The following CCL26 variants were observed in gnomAD, a reference collection of about 807,000 sequenced individuals.
CCL26 encodes C-C motif chemokine 26.
In CCL26, 10 loss-of-function variants were observed where a neutral mutation model predicts 10.7. The observed-to-expected ratio is 0.93, with a 90% CI of 0.57 to 1.58. The LOEUF (loss-of-function observed/expected upper bound fraction) is 1.58, where lower values mean the gene tolerates loss of function less well. CCL26 is among the 40% of genes most tolerant of loss of function. CCL26 has a pLI of 0.00. For missense variants in CCL26, 116 were observed against 111.0 expected (o/e 1.05, Z -0.20); for synonymous variants, 43 against 41.4 (o/e 1.04, Z -0.15).
upstream of CCL26, among the ~76,000 whole-genome samples, chr7:75,791,494 A>C (rs1488464158): frequency 6.6e-6 from 1 of 151,862 alleles, no homozygotes; most frequent in Non-Finnish European, 1.5e-5. Flanking sequence ...TGGGCTCCAG[A>C]TTCCTCTGTG....
At chr7:75,786,151 A>G (rs11771913) in intron 1 of CCL26, among the ~76,000 whole-genome samples, 27,259 of 152,082 alleles carry the variant, frequency 0.18, 3,019 homozygotes, top group East Asian at 0.28. Flanking sequence ...CCAGACTTCA[A>G]TCCGGCCTCC....
chr7:75,770,762 G>A (rs573670784), intron 2 of CCL26, among the ~76,000 whole-genome samples: 25 of 152,040 alleles, frequency 1.6e-4, no homozygotes, highest in African/African-American at 5.8e-4. Flanking sequence ...TGCAAACTCC[G>A]CCTCCCGGGT....
At chr7:75,787,061 C>T (rs562676079) in intron 1 of CCL26, among the ~76,000 whole-genome samples, 1 of 152,256 alleles carries the variant, frequency 6.6e-6, no homozygotes, top group East Asian at 1.9e-4. Context: ...CTTTACTCAC[C>T]CTGAGTCAGG....
At chr7:75,777,718 T>C (rs1254043156) in intron 1 of CCL26, among the ~76,000 whole-genome samples, 1 of 8,094 alleles carries the variant, frequency 1.2e-4, no homozygotes, top group Non-Finnish European at 2.1e-4. Context: ...AGATCCTGTC[T>C]CAGAAAAAAA....
chr7:75,787,350 G>C (rs1803217404), intron 1 of CCL26, among the ~76,000 whole-genome samples: 1 of 152,014 alleles, frequency 6.6e-6, no homozygotes, highest in Admixed American at 6.6e-5. Flanking sequence ...GTTTTTTAAA[G>C]ACACACCTCA....
intron 1 of CCL26, among the ~76,000 whole-genome samples, chr7:75,788,919 T>C (rs1418308703): frequency 2.0e-5 from 3 of 151,760 alleles, no homozygotes; most frequent in African/African-American, 7.3e-5. Flanking sequence ...TACCTTTCTT[T>C]TCTCTTTTTC....
upstream of CCL26, among the ~76,000 whole-genome samples, chr7:75,773,753 C>G (rs1457080546): frequency 6.6e-6 from 1 of 151,352 alleles, no homozygotes; most frequent in Admixed American, 6.6e-5. Flanking sequence ...TGTGGTGGCT[C>G]ATGCTTGTAA....
At chr7:75,789,510 T>C (rs1803276720) in intron 1 of CCL26, among the ~76,000 whole-genome samples, 2 of 150,264 alleles carry the variant, frequency 1.3e-5, no homozygotes, top group Admixed American at 6.7e-5. Flanking sequence ...GAGAAAGTGC[T>C]GGCTGCCTAC....
At chr7:75,774,485 C>T (rs1247565071), upstream of CCL26, among the ~76,000 whole-genome samples, 1 of 151,858 alleles carries the variant, frequency 6.6e-6, no homozygotes, top group Non-Finnish European at 1.5e-5. Flanking sequence ...CTTGCTCTGT[C>T]ATCCAGGCTG....
chr7:75,788,314 TCTC>T (rs1405676764), intron 1 of CCL26, among the ~76,000 whole-genome samples: 51 of 152,140 alleles, frequency 3.4e-4, no homozygotes, highest in Admixed American at 3.3e-3. Flanking sequence ...TGAAATTCCT[TCTC>T]CTGGCTCATC....
chr7:75,784,491 A>G (rs1354595366), intron 1 of CCL26, among the ~76,000 whole-genome samples: 2 of 152,170 alleles, frequency 1.3e-5, no homozygotes, highest in Non-Finnish European at 2.9e-5. Context: ...TCCCCTTCTT[A>G]ATCAATACAG....
chr7:75,781,870 G>C, intron 1 of CCL26, among the ~76,000 whole-genome samples: 1 of 152,120 alleles, frequency 6.6e-6, no homozygotes, highest in African/African-American at 2.4e-5. Context: ...GCACCCAGGT[G>C]AAATAAACAG....
chr7:75,791,273 C>T (rs113545163), upstream of CCL26, among the ~76,000 whole-genome samples: 730 of 152,246 alleles, frequency 4.8e-3, 8 homozygotes, highest in African/African-American at 0.017. Flanking sequence ...GATCCACCCG[C>T]CTCAGCTCCC....
chr7:75,778,423 T>G (rs1802987565), intron 1 of CCL26, among the ~76,000 whole-genome samples: 1 of 150,736 alleles, frequency 6.6e-6, no homozygotes, highest in African/African-American at 2.4e-5. Context: ...TTTTTTTTTT[T>G]TGGTAGAGAT....
chr7:75,774,143 T>C (rs1802886288), upstream of CCL26, among the ~76,000 whole-genome samples: 1 of 151,836 alleles, frequency 6.6e-6, no homozygotes, highest in African/African-American at 2.4e-5. Flanking sequence ...GAGAGGGTGG[T>C]TTGTTTTTGT....
At chr7:75,788,420 C>G (rs1193298108) in intron 1 of CCL26, among the ~76,000 whole-genome samples, 1 of 152,086 alleles carries the variant, frequency 6.6e-6, no homozygotes, top group African/African-American at 2.4e-5. Context: ...CCATTACCTA[C>G]CCAAATCCTA....
At chr7:75,775,264 C>T (rs934365930), upstream of CCL26, among the ~76,000 whole-genome samples, 1 of 151,976 alleles carries the variant, frequency 6.6e-6, no homozygotes, top group African/African-American at 2.4e-5. Context: ...TCTATATTCC[C>T]ATTTCTTCTA....
Position 75,769,735 on chromosome 7 carries a change from C to A in CCL26, c.243G>T (p.Val81=), listed in dbSNP as rs1554527883. 1.2e-6 allele frequency: 2 copies of A among 1,613,116 alleles called. No homozygotes were observed. The highest frequency in any genetic ancestry group is 3.3e-5 in the Admixed American group (2 of 59,998). The stretch of plus-strand genomic sequence containing the variant: ...TTTTCAGTAAAGAAATGTATTTTTG[C>A]ACCCATTTTTTCCTTGGATGGGTAC... The part of the protein sequence containing the change: ...KVCTHPRKKW[V]QKYISLLKTP... The change falls in exon 3 of 3, where the codon GTG becomes GTT. Residue 81 remains valine, a synonymous_variant. Transcript: ENST00000005180.
intron 1 of CCL26, among the ~76,000 whole-genome samples, chr7:75,784,042 G>A (rs1425828111): frequency 6.6e-6 from 1 of 152,150 alleles, no homozygotes; most frequent in Non-Finnish European, 1.5e-5. Flanking sequence ...CAATAATAGA[G>A]TAGAGGAAGC....
Sources: allele counts gnomAD v4.1 joint callset (sites outside exome capture counted in the v4.1 genomes callset), GRCh38; gene constraint gnomAD v4.1.1; transcripts MANE v1.5; gene names NCBI Gene and HGNC (gene_info 2026-07-23, HGNC 2026-07-21).